WBP2NL: variants seen among roughly 807,000 people sequenced by gnomAD.
The protein encoded by WBP2NL is WBP2 N-terminal like.
In WBP2NL, 27 loss-of-function variants were observed where a neutral mutation model predicts 23.3. The observed-to-expected ratio is 1.16, with a 90% CI of 0.85 to 1.60. The LOEUF is 1.60. WBP2NL is among the 40% of genes most tolerant of loss of function. WBP2NL has a pLI of 0.00. For synonymous variants in WBP2NL, 151 were observed against 145.9 expected (o/e 1.03, Z -0.25); for missense variants, 370 against 389.5 (o/e 0.95, Z 0.42).
downstream of WBP2NL, chr22:42,032,129 A>G (rs1924987955): frequency 6.6e-6 from 1 of 152,196 alleles, no homozygotes; most frequent in African/African-American, 2.4e-5. Flanking sequence ...AGATTATGCA[A>G]AGGTATCCAG....
intron 8 of WBP2NL, among the ~76,000 whole-genome samples, chr22:42,048,871 T>C (rs935971787): frequency 6.6e-6 from 1 of 151,854 alleles, no homozygotes; most frequent in African/African-American, 2.4e-5. Flanking sequence ...ACAGGTGACA[T>C]AAAACTCTGT....
At chr22:42,054,265 C>T (rs1225087262) in intron 8 of WBP2NL, among the ~76,000 whole-genome samples, 1 of 152,134 alleles carries the variant, frequency 6.6e-6, no homozygotes, top group African/African-American at 2.4e-5. Context: ...ACTGAAACCT[C>T]CACCTCTCAG....
chr22:42,021,160 T>C (rs1442737807), intron 4 of WBP2NL, among the ~76,000 whole-genome samples: 1 of 151,602 alleles, frequency 6.6e-6, no homozygotes, highest in Admixed American at 6.6e-5. Context: ...CCTCAGGAGA[T>C]CCACCTGCCT....
intron 5 of WBP2NL, among the ~76,000 whole-genome samples, chr22:42,024,113 A>G (rs1008908136): frequency 6.6e-6 from 1 of 152,164 alleles, no homozygotes; most frequent in African/African-American, 2.4e-5. Flanking sequence ...TGTTTGGCTT[A>G]TCTCACTCAA....
At chr22:42,006,508 C>T (rs746663221) in intron 1 of WBP2NL, among the ~76,000 whole-genome samples, 1 of 152,210 alleles carries the variant, frequency 6.6e-6, no homozygotes, top group Non-Finnish European at 1.5e-5. Flanking sequence ...GCTGGCATTA[C>T]AGGCGTGAGC....
At chr22:42,020,870 A>ATATGTATATG (rs1396149429) in intron 4 of WBP2NL, among the ~76,000 whole-genome samples, 32 of 14,088 alleles carry the variant, frequency 2.3e-3, no homozygotes, top group Admixed American at 4.1e-3. Flanking sequence ...GTGTGTGTGT[A>ATATGTATATG]TATATATATA....
chr22:42,027,694 T>A lies in WBP2NL; in HGVS notation c.*513T>A. The A allele has an allele frequency of 3.1e-6, 1 of 325,736 alleles. No individual in the cohort carries two copies. Among genetic ancestry groups the A allele is most frequent in the Non-Finnish European group, 5.5e-6 (1 of 181,724 alleles). The allele number at this position is 325,736 out of a possible 1,614,324, so 20.2% of individuals were successfully genotyped here. ...ATGTCTAGAGGTAGAGAAAGCCTTC[T>A]TTGAGGAGACCAAAACCAACAAATA... On this transcript the variant is annotated 3_prime_UTR_variant, in exon 6 of 6. Transcript: ENST00000328823.
intron 8 of WBP2NL, among the ~76,000 whole-genome samples, chr22:42,050,199 C>T (rs1000992235): frequency 4.6e-5 from 7 of 151,754 alleles, no homozygotes; most frequent in African/African-American, 1.7e-4. Flanking sequence ...CCTAGCTACT[C>T]GGGAGGCTTA....
At chr22:42,022,977 C>G (rs1285398291) in intron 5 of WBP2NL, among the ~76,000 whole-genome samples, 1 of 152,002 alleles carries the variant, frequency 6.6e-6, no homozygotes, top group Non-Finnish European at 1.5e-5. Context: ...TTAATAGGTA[C>G]CTTGGTTTTT....
At chr22:42,010,614 C>T (rs1922719003) in intron 1 of WBP2NL, among the ~76,000 whole-genome samples, 1 of 152,158 alleles carries the variant, frequency 6.6e-6, no homozygotes, top group African/African-American at 2.4e-5. Context: ...TCTCGGCTCA[C>T]TGCCAGCTCT....
Position 42,026,997 on chromosome 22 carries a change from C to T in WBP2NL, c.746C>T (p.Pro249Leu). The change falls in exon 6 of 6, where the codon CCT becomes CTT. Residue 249 changes from proline (P) to leucine (L), a missense_variant. Pro to Leu is a moderately conservative substitution (Grantham distance 98). Transcript: ENST00000328823. ...GAPPLGYGTP[P>L]LGYGAPPLGY... is the part of the protein sequence containing the mutation. Reference sequence around the variant, plus strand: ...CCACCTCTTGGATATGGAACCCCACCTCTCGGATATGGAGCCCCACCTCTC... The same window carrying T: ...CCACCTCTTGGATATGGAACCCCACTTCTCGGATATGGAGCCCCACCTCTC... The T allele has an allele frequency of 6.2e-7, 1 of 1,610,222 alleles. No homozygotes were observed. The highest frequency in any genetic ancestry group is 8.5e-7 in the Non-Finnish European group (1 of 1,176,934).
chr22:42,023,962 T>C (rs1433306227), intron 5 of WBP2NL, among the ~76,000 whole-genome samples: 1 of 152,184 alleles, frequency 6.6e-6, no homozygotes, highest in Admixed American at 6.6e-5. Context: ...AAACTTTTTA[T>C]CACCTAATAG....
chr22:42,040,949 T>C (rs2146816309), intron 8 of WBP2NL, among the ~76,000 whole-genome samples: 1 of 152,350 alleles, frequency 6.6e-6, no homozygotes, highest in Non-Finnish European at 1.5e-5. Flanking sequence ...AAATCAGTTG[T>C]TTTTTTATTG....
At chr22:42,046,662 AAG>A (rs940135156) in intron 8 of WBP2NL, among the ~76,000 whole-genome samples, 12 of 152,314 alleles carry the variant, frequency 7.9e-5, no homozygotes, top group South Asian at 6.2e-4. Context: ...ATACTTCTAA[AAG>A]AGAAATTTTA....
At chr22:42,025,766 C>T (rs981961808) in intron 5 of WBP2NL, among the ~76,000 whole-genome samples, 4 of 152,106 alleles carry the variant, frequency 2.6e-5, no homozygotes, top group African/African-American at 9.7e-5. Flanking sequence ...TACAGCTGTC[C>T]ATTCACTTTA....
At chr22:42,052,940 C>T (rs539456360) in intron 8 of WBP2NL, among the ~76,000 whole-genome samples, 1 of 152,338 alleles carries the variant, frequency 6.6e-6, no homozygotes, top group African/African-American at 2.4e-5. Flanking sequence ...ACTGTAATTC[C>T]AGAACATCTT....
intron 1 of WBP2NL, chr22:42,002,672 AAAG>A (rs1190505309): frequency 6.6e-6 from 1 of 152,224 alleles, no homozygotes; most frequent in Non-Finnish European, 1.5e-5. Flanking sequence ...GGGAAAACAA[AAAG>A]AAGTCATTTG....
At chr22:41,999,028 G>C (rs1259716860) in intron 1 of WBP2NL, 148 bp downstream of exon 1, 1 of 969,966 alleles carries the variant, frequency 1.0e-6, no homozygotes, top group African/African-American at 1.7e-5. Flanking sequence ...TTGGGAGCGC[G>C]CGCCCCTCAC....
At chr22:42,001,358 G>T in intron 1 of WBP2NL, 1 of 701,108 alleles carries the variant, frequency 1.4e-6, no homozygotes, top group Middle Eastern at 4.2e-4. Flanking sequence ...TTGGGATCCG[G>T]AAGCATTCCC....
Sources: allele counts gnomAD v4.1 joint callset (sites outside exome capture counted in the v4.1 genomes callset), GRCh38; gene constraint gnomAD v4.1.1; transcripts MANE v1.5; gene names NCBI Gene and HGNC (gene_info 2026-07-23, HGNC 2026-07-21).